Variants in PCDHA9 observed in about 807,000 individuals in gnomAD.
PCDHA9 encodes the protein protocadherin alpha 9, also known as protocadherin alpha-9.
In PCDHA9, 62 loss-of-function variants were observed where a neutral mutation model predicts 62.0. That is an observed-to-expected ratio of 1.00 (90% confidence interval 0.81 to 1.23). The LOEUF (loss-of-function observed/expected upper bound fraction) is 1.23, where lower values mean the gene tolerates loss of function less well. PCDHA9 is among the 50% of genes most tolerant of loss of function. The pLI, the probability that PCDHA9 is intolerant of heterozygous loss-of-function variation, is 0.00. For synonymous variants in PCDHA9, 557 were observed against 567.6 expected, an observed-to-expected ratio of 0.98 and a Z score of 0.27; for missense variants, 1,205 against 1,249.8, an observed-to-expected ratio of 0.96 and a Z score of 0.54.
chr5:140,896,194 T>G (rs2065426928), intron 1 of PCDHA9, among the ~76,000 whole-genome samples: 2 of 152,244 alleles, frequency 1.3e-5, no homozygotes, highest in Middle Eastern at 3.2e-3. Flanking sequence ...AATAGTGCCA[T>G]GATGAACATA....
intron 1 of PCDHA9, chr5:140,878,061 AT>A (rs2057460632): frequency 2.4e-6 from 1 of 424,416 alleles, no homozygotes; most frequent in Non-Finnish European, 3.8e-6. Context: ...CACACTTAAT[AT>A]TTTTCTTTTT....
chr5:140,940,736 A>G (rs1554213579), intron 1 of PCDHA9, among the ~76,000 whole-genome samples: 1 of 152,200 alleles, frequency 6.6e-6, no homozygotes, highest in Non-Finnish European at 1.5e-5. Flanking sequence ...GGACAGCTCC[A>G]TATTTTTATG....
At chr5:140,978,909 C>G (rs782321430) in intron 1 of PCDHA9, 40 bp from the exon 2 acceptor site, 2 of 1,613,660 alleles carry the variant, frequency 1.2e-6, no homozygotes, top group South Asian at 2.2e-5. Context: ...AGAACATTGT[C>G]TTGTCATTTT....
At chr5:140,982,218 G>A (rs1054533925) in intron 2 of PCDHA9, 11 of 523,574 alleles carry the variant, frequency 2.1e-5, no homozygotes, top group African/African-American at 7.7e-5. Context: ...GCCACATGGC[G>A]TTAATAAAAA....
At chr5:140,903,609 A>G (rs565435427) in intron 1 of PCDHA9, among the ~76,000 whole-genome samples, 2 of 152,360 alleles carry the variant, frequency 1.3e-5, no homozygotes, top group Admixed American at 6.5e-5. Flanking sequence ...CTTAATACAC[A>G]TGAATGTGCA....
At chr5:140,881,559 C>G (rs1293330721) in intron 1 of PCDHA9, among the ~76,000 whole-genome samples, 2 of 152,174 alleles carry the variant, frequency 1.3e-5, no homozygotes, top group Admixed American at 6.5e-5. Context: ...ATATAAATAT[C>G]TTATCTACAT....
intron 3 of PCDHA9, among the ~76,000 whole-genome samples, chr5:141,000,001 T>C (rs2097888294): frequency 6.6e-6 from 1 of 152,030 alleles, no homozygotes; most frequent in African/African-American, 2.4e-5. Flanking sequence ...TGGTATTAGA[T>C]TGGCCTCCCC....
chr5:140,927,313 G>A (rs1229449253), intron 1 of PCDHA9: 6 of 1,614,074 alleles, frequency 3.7e-6, no homozygotes, highest in Admixed American at 3.3e-5. Context: ...GACGCCCGGA[G>A]CCCGCTTTAC....
Position 140,961,691 on chromosome 5 carries a change from T to A in PCDHA9, c.2395-17258T>A, listed in dbSNP as rs963909259. On this transcript the variant is annotated intron_variant, in intron 1 of 3. Transcript: ENST00000532602. Reference sequence around the variant, plus strand: ...GTTTTTAATTAAGCCGGAGTAGTCCTTAGTATGAATGCCTTCATTTCTAAG... The same window carrying A: ...GTTTTTAATTAAGCCGGAGTAGTCCATAGTATGAATGCCTTCATTTCTAAG... Among the ~76,000 whole-genome samples the A allele has an allele frequency of 2.0e-5, 3 of 152,340 alleles. No individual in the cohort carries two copies. In the East Asian group the frequency reaches 5.8e-4, roughly 29 times the overall value.
intron 1 of PCDHA9, among the ~76,000 whole-genome samples, chr5:140,890,939 G>A (rs1236920048): frequency 6.6e-6 from 1 of 152,106 alleles, no homozygotes; most frequent in Admixed American, 6.6e-5. Flanking sequence ...GTCCAAAGAT[G>A]CTGGTGAGGA....
chr5:140,968,276 G>A, intron 1 of PCDHA9: 1 of 1,614,070 alleles, frequency 6.2e-7, no homozygotes, highest in South Asian at 1.1e-5. Context: ...GAATGCAGAG[G>A]TGACCTACTC....
chr5:140,909,254 G>T (rs915513119), intron 1 of PCDHA9, among the ~76,000 whole-genome samples: 1 of 152,216 alleles, frequency 6.6e-6, no homozygotes, highest in Non-Finnish European at 1.5e-5. Context: ...TGCTGGCCTT[G>T]CTGACTGAAG....
intron 1 of PCDHA9, among the ~76,000 whole-genome samples, chr5:140,905,031 T>G (rs2071545933): frequency 6.6e-6 from 1 of 152,228 alleles, no homozygotes. Flanking sequence ...GCAGAAGCTT[T>G]TTAGTTTAAT....
intron 1 of PCDHA9, among the ~76,000 whole-genome samples, chr5:140,894,946 A>G (rs1463727802): frequency 6.6e-6 from 1 of 152,206 alleles, no homozygotes; most frequent in African/African-American, 2.4e-5. Flanking sequence ...ATTGTCATGA[A>G]ATGATAAAAA....
intron 1 of PCDHA9, among the ~76,000 whole-genome samples, chr5:140,895,004 T>C (rs535461448): frequency 6.6e-6 from 1 of 152,316 alleles, no homozygotes; most frequent in East Asian, 1.9e-4. Flanking sequence ...CCCTTTTTAC[T>C]TGGACCTTTT....
intron 1 of PCDHA9, chr5:140,967,347 A>G: frequency 6.2e-7 from 1 of 1,608,324 alleles, no homozygotes; most frequent in South Asian, 1.1e-5. Flanking sequence ...GAGCACTTCG[A>G]GCTGGACCTT....
At chr5:140,967,473 C>G in intron 1 of PCDHA9, 1 of 1,613,362 alleles carries the variant, frequency 6.2e-7, no homozygotes, top group Admixed American at 1.7e-5. Context: ...GGCATCCCAG[C>G]CCGCTCGGGT....
At chr5:140,979,563 C>T (rs1480899524) in intron 2 of PCDHA9, among the ~76,000 whole-genome samples, 1 of 152,174 alleles carries the variant, frequency 6.6e-6, no homozygotes, top group African/African-American at 2.4e-5. Context: ...GAAGATGAGC[C>T]ATGTAAAGGG....
rs17844361 is a variant in PCDHA9, at chr5:140,927,747, C to T, written c.2395-51202C>T. ...AAGCAGAGCTGCGACACCGCTTTCA[C>T]GTGCACCCTAAAAGTGGGGAGGTGC... On this transcript the variant is annotated intron_variant, in intron 1 of 3. Coordinates refer to ENST00000532602, the MANE Select transcript of PCDHA9 (RefSeq NM_031857.2). 465 of 1,614,224 alleles carry T rather than the reference C, an allele frequency of 2.9e-4. No homozygotes were observed. In the East Asian group the frequency reaches 8.6e-3, roughly 30 times the overall value.
Sources: allele counts gnomAD v4.1 joint callset (sites outside exome capture counted in the v4.1 genomes callset), GRCh38; gene constraint gnomAD v4.1.1; transcripts MANE v1.5; gene names NCBI Gene and HGNC (gene_info 2026-07-23, HGNC 2026-07-21).